The following YJU2B variants were observed in gnomAD, a reference collection of about 807,000 sequenced individuals.
YJU2B encodes YJU2 splicing factor homolog B.
A neutral mutation model predicts 38.0 loss-of-function variants in YJU2B; 18 were observed. The ratio of observed to expected loss-of-function variants is 0.47; its 90% CI spans 0.33 to 0.70. The LOEUF (loss-of-function observed/expected upper bound fraction) is 0.70. Ranked by LOEUF, YJU2B falls within the 30% of genes least tolerant of loss-of-function variation. The pLI, the probability that YJU2B is intolerant of heterozygous loss-of-function variation, is 0.02. For missense variants in YJU2B, 538 were observed against 556.3 expected (o/e 0.97, Z 0.33); for synonymous variants, 246 against 225.4 (o/e 1.09, Z -0.82).
chr19:13,754,341 A>G lies in YJU2B; in HGVS notation c.56A>G (p.Lys19Arg). Residue 19 changes from lysine to arginine, a missense_variant and splice_region_variant, in exon 3 of 10, where the codon AAG becomes AGG. Physicochemically the swap from Lys to Arg is conservative, Grantham distance 26. This residue lies in a region of YJU2B where 50 missense variants were observed against 86.9 expected (regional missense o/e 0.58). Coordinates refer to ENST00000221554, the MANE Select transcript of YJU2B (RefSeq NM_030818.4). The stretch of plus-strand genomic sequence containing the variant: ...TATCCTCCAGACTTCAACCCTGAGA[A>G]GGTAAGCAGGCTCTCCGCTCCAGGT... ...KYYPPDFNPE[K>R]HGSLNRYHNS... is the part of the protein sequence containing the mutation. The G allele has an allele frequency of 1.2e-6, 2 of 1,613,172 alleles. No individual in the cohort carries two copies. The highest frequency in any genetic ancestry group is 1.7e-6 in the Non-Finnish European group (2 of 1,179,128).
chr19:13,751,158 C>G (rs2922287), intron 1 of YJU2B, among the ~76,000 whole-genome samples: 5,564 of 152,204 alleles, frequency 0.037, 322 homozygotes, highest in African/African-American at 0.13. Flanking sequence ...TGGCTCACAC[C>G]TGTAATGCCA....
At chr19:13,751,407 C>A (rs1033604716) in intron 1 of YJU2B, among the ~76,000 whole-genome samples, 3 of 152,040 alleles carry the variant, frequency 2.0e-5, no homozygotes, top group Admixed American at 6.6e-5. Context: ...GAGCGAGACT[C>A]CATCTCAAAA....
chr19:13,750,895 G>A (rs1208080687), intron 1 of YJU2B, among the ~76,000 whole-genome samples: 1 of 149,526 alleles, frequency 6.7e-6, no homozygotes, highest in Non-Finnish European at 1.5e-5. Flanking sequence ...GTAACAAAGA[G>A]CTTGCAAACC....
intron 2 of YJU2B, among the ~76,000 whole-genome samples, chr19:13,752,890 G>A (rs574340883): frequency 4.7e-5 from 7 of 150,402 alleles, no homozygotes; most frequent in East Asian, 4.0e-4. Context: ...CCAAGCCTGC[G>A]TGACAGAGCA....
chr19:13,740,895 C>A (rs889655605), intron 2 of YJU2B, among the ~76,000 whole-genome samples: 1 of 152,110 alleles, frequency 6.6e-6, no homozygotes, highest in Non-Finnish European at 1.5e-5. Flanking sequence ...GTCTGCCCAG[C>A]CCTACCCTCT....
rs374602940 is a variant in YJU2B at position 13,762,807 on chromosome 19, G to A, written c.930G>A (p.Ala310=). 90 of 1,602,944 alleles carry A rather than the reference G, an allele frequency of 5.6e-5. No homozygotes were observed. In the African/African-American group the frequency reaches 9.2e-4, roughly 16 times the overall value. ...SRDVPESPQH[A]ADTPKSGEPR... is the part of the protein sequence containing the mutation. ...ACGTCCCGGAGAGCCCCCAGCATGCGGCCGACACCCCCAAGTCTGGGGAAC... is the reference window on the plus strand; with the variant it reads ...ACGTCCCGGAGAGCCCCCAGCATGCAGCCGACACCCCCAAGTCTGGGGAAC... Residue 310 remains alanine (A), a synonymous_variant, in exon 10 of 10, where the codon GCG becomes GCA. Coordinates refer to ENST00000221554, the MANE Select transcript of YJU2B (RefSeq NM_030818.4).
chr19:13,754,252 G>A (rs201167178), intron 2 of YJU2B, 37 bp from the exon 3 acceptor site: 91 of 1,566,790 alleles, frequency 5.8e-5, no homozygotes, highest in Non-Finnish European at 8.0e-5. Flanking sequence ...AACCATATCA[G>A]CCTCTCTCTG....
intron 3 of YJU2B, among the ~76,000 whole-genome samples, chr19:13,755,163 CAAA>C (rs1043821281): frequency 2.4e-4 from 14 of 57,236 alleles, no homozygotes; most frequent in African/African-American, 3.7e-4. Flanking sequence ...GACCCTGCCT[CAAA>C]AAAAAAAAAA....
intron 8 of YJU2B, among the ~76,000 whole-genome samples, chr19:13,759,798 T>A (rs907995494): frequency 8.4e-5 from 3 of 35,798 alleles, no homozygotes; most frequent in Non-Finnish European, 1.5e-4. Context: ...GCCTGGCTAA[T>A]TTTTTTTTTT....
intron 2 of YJU2B, 108 bp downstream of exon 2, chr19:13,751,919 C>CG: frequency 9.2e-7 from 1 of 1,088,706 alleles, no homozygotes; most frequent in Admixed American, 1.8e-5. Context: ...TTTCAATCTC[C>CG]GGGTCATCAT....
chr19:13,757,134 C>G (rs1386773492), intron 4 of YJU2B, among the ~76,000 whole-genome samples: 1 of 151,660 alleles, frequency 6.6e-6, no homozygotes, highest in Non-Finnish European at 1.5e-5. Context: ...GAGCAAGACT[C>G]TGTCTCAAAA....
chr19:13,749,336 G>A (rs1301180053), intron 1 of YJU2B, among the ~76,000 whole-genome samples: 1 of 152,106 alleles, frequency 6.6e-6, no homozygotes, highest in African/African-American at 2.4e-5. Context: ...CTAGTAGTTG[G>A]GGAAAAATCA....
At chr19:13,736,327 C>T (rs989022818) in intron 2 of YJU2B, among the ~76,000 whole-genome samples, 29 of 142,554 alleles carry the variant, frequency 2.0e-4, no homozygotes, top group Non-Finnish European at 3.5e-4. Context: ...GGCACAATCT[C>T]GGCTCACTGC....
upstream of YJU2B, among the ~76,000 whole-genome samples, chr19:13,743,745 T>C (rs764563598): frequency 8.2e-5 from 12 of 145,970 alleles, no homozygotes; most frequent in Non-Finnish European, 1.5e-4. Context: ...ATACAAAAAT[T>C]AGCCGGATGC....
rs755321670 is a variant in YJU2B, at chr19:13,763,014, C to T, written c.1137C>T (p.Pro379=). ...CTGACACCCCCGACACGCGGCACCC[C>T]TGCAGTCTCGGCTCCTCCCTCGTGG... is the stretch of plus-strand genomic sequence containing the variant. ...EAADTPDTRH[P]CSLGSSLVAD... Residue 379 remains proline, a synonymous_variant, in exon 10 of 10, where the codon CCC becomes CCT. Transcript: ENST00000221554. 6.3e-5 allele frequency: 100 copies of T among 1,596,208 alleles called. No homozygotes were observed. Among genetic ancestry groups the T allele is most frequent in the Non-Finnish European group, 3.9e-5 (46 of 1,170,908 alleles).
At chr19:13,748,428 G>A (rs1188091590) in intron 1 of YJU2B, among the ~76,000 whole-genome samples, 1 of 152,058 alleles carries the variant, frequency 6.6e-6, no homozygotes, top group Non-Finnish European at 1.5e-5. Context: ...ATAGGAAGCA[G>A]CAGGGTGGAG....
chr19:13,736,160 A>G (rs1972939604), intron 2 of YJU2B, among the ~76,000 whole-genome samples: 1 of 151,960 alleles, frequency 6.6e-6, no homozygotes, highest in Non-Finnish European at 1.5e-5. Flanking sequence ...TACCAATATC[A>G]TTAGTTCTTC....
At chr19:13,762,463 G>T in intron 9 of YJU2B, 26 bp downstream of exon 9, 1 of 1,607,090 alleles carries the variant, frequency 6.2e-7, no homozygotes, top group South Asian at 1.1e-5. Context: ...GGGGGAAAAG[G>T]GGACAGGGAG....
At position 13,762,781 on chromosome 19, in the gene YJU2B, G is replaced by A. The variant is rs1428165526; in HGVS notation, c.904G>A (p.Asp302Asn). 6.2e-7 allele frequency: 1 copy of A among 1,603,124 alleles called. No homozygotes were observed. The highest frequency in any genetic ancestry group is 8.5e-7 in the Non-Finnish European group (1 of 1,176,200). ...DLGIVRRRSR[D>N]VPESPQHAAD... ...GGGCATCGTGCGGCGGAGGTCTCGG[G>A]ACGTCCCGGAGAGCCCCCAGCATGC... The change falls in exon 10 of 10, where the codon GAC (aspartate) becomes AAC (asparagine). Residue 302 changes from aspartate (D) to asparagine (N), a missense_variant. Around this residue, in one of 2 missense-constraint regions of YJU2B, gnomAD observed 488 missense variants for 469.5 expected, o/e 1.04. Coordinates refer to ENST00000221554, the MANE Select transcript of YJU2B (RefSeq NM_030818.4).
Sources: gnomAD v4.1 joint callset for allele counts (sites outside exome capture counted in the v4.1 genomes callset) on GRCh38, gnomAD v4.1.1 for gene constraint, gnomAD v4.1.1 regional missense constraint, MANE v1.5 for transcripts, NCBI Gene and HGNC (gene_info 2026-07-23, HGNC 2026-07-21) for gene names.